The following PSMD1 variants were observed in gnomAD, a reference collection of about 807,000 sequenced individuals.
The protein encoded by PSMD1 is 26S proteasome non-ATPase regulatory subunit 1.
In PSMD1, 18 loss-of-function variants were observed where a neutral mutation model predicts 119.0. The observed-to-expected ratio is 0.15, with a 90% CI of 0.10 to 0.22. The LOEUF (loss-of-function observed/expected upper bound fraction) is 0.22, where lower values mean the gene tolerates loss of function less well. Ranked by LOEUF, PSMD1 falls within the 10% of genes least tolerant of loss-of-function variation. PSMD1 has a pLI of 1.00. For missense variants in PSMD1, 702 were observed against 1,158.5 expected (o/e 0.61, Z 5.72); for synonymous variants, 374 against 396.6 (o/e 0.94, Z 0.68).
chr2:231,123,301 A>G, intron 16 of PSMD1: 1 of 817,732 alleles, frequency 1.2e-6, no homozygotes, highest in Non-Finnish European at 2.1e-6. Context: ...ATCTTTAAAT[A>G]GTCCAAGTTC....
intron 17 of PSMD1, among the ~76,000 whole-genome samples, chr2:231,143,111 G>T (rs1696166681): frequency 6.6e-6 from 1 of 151,708 alleles, no homozygotes. Flanking sequence ...ATGTTGTGGG[G>T]TTTTTTGTTG....
rs372475021 is a variant in PSMD1 at position 231,067,073 on chromosome 2, C to G, written c.472C>G (p.Arg158Gly). 6 of 1,610,548 alleles carry G rather than the reference C, an allele frequency of 3.7e-6. No homozygotes were observed. The African/African-American group carries it at 4.0e-5, about 11-fold the overall frequency. ...GGCTATTGGCATTGCTCTGGAGACA[C>G]GAAGACTGGACGTCTTTGAAAAGAC... ...KQAIGIALET[R>G]RLDVFEKTIL... Residue 158 changes from arginine (R) to glycine (G), a missense_variant, in exon 5 of 25, where the codon CGA becomes GGA. Transcript: ENST00000308696.
At chr2:231,090,714 A>G (rs1694568870) in intron 16 of PSMD1, among the ~76,000 whole-genome samples, 1 of 152,204 alleles carries the variant, frequency 6.6e-6, no homozygotes, top group East Asian at 1.9e-4. Context: ...CAAAATATCA[A>G]CATTAGCAGC....
intron 16 of PSMD1, among the ~76,000 whole-genome samples, chr2:231,137,774 GTGAGAACA>G (rs1440437991): frequency 2.6e-5 from 4 of 151,982 alleles, no homozygotes; most frequent in African/African-American, 9.7e-5. Flanking sequence ...TCACTTATAA[GTGAGAACA>G]TGCAGTATTT....
intron 8 of PSMD1, among the ~76,000 whole-genome samples, chr2:231,076,536 A>G (rs902370603): frequency 1.3e-5 from 2 of 152,160 alleles, no homozygotes; most frequent in Non-Finnish European, 2.9e-5. Context: ...GCGTGGTGGC[A>G]CACGCCTTTA....
At chr2:231,075,695 T>A in intron 8 of PSMD1, 124 bp downstream of exon 8, 1 of 773,880 alleles carries the variant, frequency 1.3e-6, no homozygotes. Context: ...TCCTCCCACC[T>A]TAGCCTCCCA....
chr2:231,085,140 A>G, intron 15 of PSMD1, 26 bp downstream of exon 15: 1 of 1,588,614 alleles, frequency 6.3e-7, no homozygotes, highest in Non-Finnish European at 8.6e-7. Context: ...TTTCTTGGGA[A>G]TGGGGTGGAC....
At chr2:231,166,867 C>T (rs1696797806) in intron 23 of PSMD1, among the ~76,000 whole-genome samples, 1 of 152,166 alleles carries the variant, frequency 6.6e-6, no homozygotes, top group Admixed American at 6.5e-5. Flanking sequence ...ACTAATTTAT[C>T]AGCTAGAAGA....
intron 24 of PSMD1, among the ~76,000 whole-genome samples, chr2:231,171,549 AT>A (rs568576394): frequency 0.046 from 5,405 of 117,224 alleles, 63 homozygotes; most frequent in East Asian, 0.1. Context: ...TTTTCAGACA[AT>A]TTTTTTTTTT....
intron 7 of PSMD1, among the ~76,000 whole-genome samples, chr2:231,073,468 C>T (rs1188976214): frequency 6.6e-6 from 1 of 152,104 alleles, no homozygotes; most frequent in Non-Finnish European, 1.5e-5. Context: ...GTAAGACCTA[C>T]AATTTTGATT....
intron 16 of PSMD1, among the ~76,000 whole-genome samples, chr2:231,122,628 A>C (rs1695583250): frequency 6.6e-6 from 1 of 152,102 alleles, no homozygotes; most frequent in Non-Finnish European, 1.5e-5. Context: ...AAATTTTATA[A>C]CTAGAGATGA....
chr2:231,063,392 CAT>C (rs1167406684), intron 4 of PSMD1, among the ~76,000 whole-genome samples: 4 of 152,166 alleles, frequency 2.6e-5, no homozygotes, highest in African/African-American at 9.7e-5. Context: ...ACCCTTCAGA[CAT>C]GTGTTTATCA....
intron 18 of PSMD1, among the ~76,000 whole-genome samples, chr2:231,150,118 G>A (rs921680710): frequency 6.6e-6 from 1 of 152,082 alleles, no homozygotes; most frequent in Admixed American, 6.5e-5. Context: ...GGCCAAGGCG[G>A]GTGGATCACG....
intron 16 of PSMD1, among the ~76,000 whole-genome samples, chr2:231,110,392 A>C (rs1279218427): frequency 6.6e-6 from 1 of 152,200 alleles, no homozygotes; most frequent in Non-Finnish European, 1.5e-5. Flanking sequence ...AAATACCATG[A>C]AGTATTTAAA....
intron 1 of PSMD1, among the ~76,000 whole-genome samples, chr2:231,057,796 A>G (rs1362311830): frequency 6.6e-6 from 1 of 152,262 alleles, no homozygotes; most frequent in Non-Finnish European, 1.5e-5. Flanking sequence ...AGTAAGTTAC[A>G]GAGATCAAGT....
intron 16 of PSMD1, among the ~76,000 whole-genome samples, chr2:231,110,268 C>T (rs901748567): frequency 5.9e-5 from 9 of 151,574 alleles, no homozygotes; most frequent in African/African-American, 1.5e-4. Flanking sequence ...TGCAGTGAGC[C>T]GAGATCACAC....
chr2:231,058,774 C>T (rs957105810), intron 1 of PSMD1, among the ~76,000 whole-genome samples: 1 of 152,034 alleles, frequency 6.6e-6, no homozygotes, highest in Admixed American at 6.6e-5. Flanking sequence ...TCTCCTATCT[C>T]GGGGCCCTGG....
chr2:231,059,696 G>A (rs927539909), intron 1 of PSMD1, among the ~76,000 whole-genome samples: 6 of 152,254 alleles, frequency 3.9e-5, no homozygotes, highest in South Asian at 2.1e-4. Context: ...ACATACCTCC[G>A]TATTTGTAAA....
At chr2:231,159,909 G>A (rs929598059) in intron 19 of PSMD1, among the ~76,000 whole-genome samples, 2 of 152,172 alleles carry the variant, frequency 1.3e-5, no homozygotes, top group African/African-American at 2.4e-5. Context: ...CCTCGCGTGC[G>A]CGGTTCACAA....
Sources: gnomAD v4.1 joint callset for allele counts (sites outside exome capture counted in the v4.1 genomes callset) on GRCh38, gnomAD v4.1.1 for gene constraint, MANE v1.5 for transcripts, NCBI Gene and HGNC (gene_info 2026-07-23, HGNC 2026-07-21) for gene names.